The following RPH3A variants were observed in gnomAD, a reference collection of about 807,000 sequenced individuals.
RPH3A encodes the protein rabphilin-3A.
A neutral mutation model predicts 102.2 loss-of-function variants in RPH3A; 48 were observed. That is an observed-to-expected ratio of 0.47 (90% CI 0.37 to 0.60). The LOEUF (loss-of-function observed/expected upper bound fraction) is 0.60. RPH3A is among the 20% of genes least tolerant of loss of function. The pLI is 0.00. For synonymous variants in RPH3A, 310 were observed against 324.3 expected (o/e 0.96, Z 0.47); for missense variants, 781 against 910.1 (o/e 0.86, Z 1.83).
intron 1 of RPH3A, among the ~76,000 whole-genome samples, chr12:112,704,571 C>G (rs372155527): frequency 6.6e-6 from 1 of 152,204 alleles, no homozygotes; most frequent in African/African-American, 2.4e-5. Context: ...ACCCATATAT[C>G]TAAGAAACTG....
upstream of RPH3A, among the ~76,000 whole-genome samples, chr12:112,788,085 G>C (rs1207369626): frequency 3.3e-5 from 5 of 152,294 alleles, no homozygotes; most frequent in East Asian, 5.8e-4. Flanking sequence ...GCAGCAGCTG[G>C]TTCTTTGAAC....
chr12:112,630,813 A>G (rs1390910247), intron 1 of RPH3A, among the ~76,000 whole-genome samples: 1 of 152,158 alleles, frequency 6.6e-6, no homozygotes, highest in East Asian at 1.9e-4. Context: ...TTGTGGTGGA[A>G]TAAGACAGGT....
At chr12:112,686,440 G>A (rs145366159) in intron 1 of RPH3A, among the ~76,000 whole-genome samples, 2 of 152,232 alleles carry the variant, frequency 1.3e-5, no homozygotes, top group African/African-American at 4.8e-5. Context: ...TGGCCAATGA[G>A]ACATTACCAA....
intron 1 of RPH3A, among the ~76,000 whole-genome samples, chr12:112,744,554 T>TAGCTTGTAGCTATC (rs2040730947): frequency 6.6e-6 from 1 of 152,156 alleles, no homozygotes; most frequent in African/African-American, 2.4e-5. Flanking sequence ...GACTTTTAGA[T>TAGCTTGTAGCTATC]TTATAGCTGC....
chr12:112,755,293 G>T (rs985796345), intron 1 of RPH3A, among the ~76,000 whole-genome samples: 2 of 121,446 alleles, frequency 1.6e-5, no homozygotes, highest in African/African-American at 6.9e-5. Flanking sequence ...ATATATATAT[G>T]TATATACACA....
At chr12:112,760,083 T>C (rs2040845614) in intron 1 of RPH3A, among the ~76,000 whole-genome samples, 1 of 152,192 alleles carries the variant, frequency 6.6e-6, no homozygotes, top group Non-Finnish European at 1.5e-5. Context: ...AGCTCTGAGC[T>C]GAAACACCAC....
At chr12:112,887,673 G>A (rs1171772629) in intron 16 of RPH3A, 124 bp from the exon 17 acceptor site, 3 of 1,093,524 alleles carry the variant, frequency 2.7e-6, no homozygotes, top group African/African-American at 3.1e-5. Context: ...TAAATAAACA[G>A]GAAATCATAT....
chr12:112,771,978 A>G (rs1218844418), intron 1 of RPH3A, among the ~76,000 whole-genome samples: 1 of 152,248 alleles, frequency 6.6e-6, no homozygotes, highest in Non-Finnish European at 1.5e-5. Context: ...GGATTATTAC[A>G]TAGAAATAAA....
chr12:112,890,019 T>C lies in RPH3A; in HGVS notation c.1564-5T>C. ...GTTATCTTTTATTTGTTTTCTTCTT[T>C]TAAGATGAAACGTGCTGGGACCACC... On this transcript the variant is annotated splice_region_variant and splice_polypyrimidine_tract_variant and intron_variant, in intron 17 of 21. Transcript: ENST00000389385. The C allele has an allele frequency of 6.2e-7, 1 of 1,613,278 alleles. No individual in the cohort carries two copies. The highest frequency in any genetic ancestry group is 8.5e-7 in the Non-Finnish European group (1 of 1,179,714).
chr12:112,793,323 T>C (rs2041161214), intron 2 of RPH3A, among the ~76,000 whole-genome samples: 1 of 152,258 alleles, frequency 6.6e-6, no homozygotes, highest in Non-Finnish European at 1.5e-5. Context: ...GTTTTTAGCA[T>C]TTTTGCTATT....
chr12:112,881,824 ACCTCCTG>A lies in RPH3A; in HGVS notation c.1307_1313del (p.Leu436ArgfsTer67). ...TTGGCTGATCCCTACGTTAAGCTGC[ACCTCCTG>A]CCGGGAGCCAGCAAGGTACCATATG... On this transcript the variant is annotated frameshift_variant, in exon 15 of 22. Transcript: ENST00000389385. LOFTEE classifies it high-confidence loss of function. 6.2e-7 allele frequency: 1 copy of A among 1,611,710 alleles called. No homozygotes were observed. The highest frequency in any genetic ancestry group is 8.5e-7 in the Non-Finnish European group (1 of 1,178,654).
intron 4 of RPH3A, among the ~76,000 whole-genome samples, chr12:112,846,129 A>G (rs2042225469): frequency 6.6e-6 from 1 of 152,248 alleles, no homozygotes; most frequent in Non-Finnish European, 1.5e-5. Context: ...ATAAGCAAGA[A>G]GTCTGGATTT....
chr12:112,883,217 TCA>T, intron 15 of RPH3A, 74 bp from the exon 16 acceptor site: 1 of 1,157,744 alleles, frequency 8.6e-7, no homozygotes, highest in East Asian at 2.5e-5. Flanking sequence ...CCACCCCACG[TCA>T]GCCCAAACGA....
chr12:112,650,382 G>A (rs1048155740), intron 1 of RPH3A, among the ~76,000 whole-genome samples: 1 of 152,114 alleles, frequency 6.6e-6, no homozygotes, highest in Non-Finnish European at 1.5e-5. Context: ...GAGAAGACAG[G>A]CTTGATCATT....
At chr12:112,628,111 C>G (rs550223251) in intron 1 of RPH3A, among the ~76,000 whole-genome samples, 8 of 152,056 alleles carry the variant, frequency 5.3e-5, no homozygotes, top group Non-Finnish European at 4.4e-5. Context: ...ACCAGGCCCC[C>G]CCTCCAACAA....
intron 1 of RPH3A, among the ~76,000 whole-genome samples, chr12:112,594,650 C>T (rs553352062): frequency 2.6e-5 from 4 of 152,162 alleles, no homozygotes; most frequent in Non-Finnish European, 4.4e-5. Flanking sequence ...TTCCTGCCCT[C>T]GTGGAGCTCT....
chr12:112,843,459 G>A (rs2042179430), intron 4 of RPH3A, among the ~76,000 whole-genome samples: 1 of 152,208 alleles, frequency 6.6e-6, no homozygotes, highest in African/African-American at 2.4e-5. Context: ...CTCATCTGCA[G>A]TCTGCAGATG....
At chr12:112,849,328 G>A (rs1467566542) in intron 5 of RPH3A, among the ~76,000 whole-genome samples, 2 of 152,110 alleles carry the variant, frequency 1.3e-5, no homozygotes, top group African/African-American at 2.4e-5. Context: ...AGGTCTGAGA[G>A]GCTTGCTTAT....
intron 3 of RPH3A, 29 bp from the exon 4 acceptor site, chr12:112,836,462 C>T (rs1164530369): frequency 7.7e-7 from 1 of 1,302,270 alleles, no homozygotes; most frequent in Non-Finnish European, 1.1e-6. Flanking sequence ...TTCATTTTTT[C>T]TTTCTCTCCT....
Sources: gnomAD v4.1 joint callset for allele counts (sites outside exome capture counted in the v4.1 genomes callset) on GRCh38, gnomAD v4.1.1 for gene constraint, MANE v1.5 for transcripts, NCBI Gene and HGNC (gene_info 2026-07-23, HGNC 2026-07-21) for gene names.